The following DRC10 variants were observed in gnomAD, a reference collection of about 807,000 sequenced individuals.
DRC10 encodes the protein IQ domain-containing protein D.
At chr12:113,212,929 T>C in the DRC10 span, among the ~76,000 whole-genome samples, 1 of 152,210 alleles carries the variant, frequency 6.6e-6, no homozygotes, top group Non-Finnish European at 1.5e-5. Context: ...GATATTCCCT[T>C]TATTTGTCAT....
At chr12:113,197,558 C>G in the DRC10 span, 3 of 1,533,796 alleles carry the variant, frequency 2.0e-6, no homozygotes, top group African/African-American at 2.7e-5. Context: ...TCACCCATCT[C>G]TGTATCATAT....
the DRC10 span, chr12:113,208,212 A>G: frequency 5.8e-6 from 9 of 1,549,830 alleles, no homozygotes; most frequent in Admixed American, 4.0e-5. Context: ...AGAGATGGAG[A>G]CTTCGGTAGA....
chr12:113,195,922 CA>C, the DRC10 span: 1 of 1,561,104 alleles, frequency 6.4e-7, no homozygotes, highest in East Asian at 2.3e-5. Flanking sequence ...GGTCACCACA[CA>C]TAGAGTGCCT....
At chr12:113,208,139 G>C in the DRC10 span, 1 of 1,613,882 alleles carries the variant, frequency 6.2e-7, no homozygotes, top group Non-Finnish European at 8.5e-7. Flanking sequence ...TGATACAAAG[G>C]GGCCATGGCG....
the DRC10 span, among the ~76,000 whole-genome samples, chr12:113,212,141 G>A: frequency 6.6e-6 from 1 of 151,698 alleles, no homozygotes; most frequent in Non-Finnish European, 1.5e-5. Context: ...TGTGATTTGG[G>A]CTCACTGCAA....
At chr12:113,216,779 G>A in the DRC10 span, among the ~76,000 whole-genome samples, 6 of 152,228 alleles carry the variant, frequency 3.9e-5, no homozygotes, top group African/African-American at 9.6e-5. Context: ...AAAATTAAAC[G>A]AAACAGGGTT....
At chr12:113,211,196 C>T in the DRC10 span, among the ~76,000 whole-genome samples, 1 of 152,184 alleles carries the variant, frequency 6.6e-6, no homozygotes, top group East Asian at 1.9e-4. Context: ...GTCCTCCTGC[C>T]TCATGCTCCC....
chr12:113,198,475 A>T, the DRC10 span, among the ~76,000 whole-genome samples: 1 of 152,234 alleles, frequency 6.6e-6, no homozygotes, highest in African/African-American at 2.4e-5. Flanking sequence ...GCACTGATCC[A>T]TGCTACAACA....
the DRC10 span, among the ~76,000 whole-genome samples, chr12:113,210,542 G>A: frequency 1.3e-5 from 2 of 150,750 alleles, no homozygotes; most frequent in East Asian, 1.9e-4. Flanking sequence ...TGGGAGGATC[G>A]CTTGAGCCCA....
chr12:113,207,894 C>T, the DRC10 span: 1 of 1,614,218 alleles, frequency 6.2e-7, no homozygotes, highest in Non-Finnish European at 8.5e-7. Context: ...CATGCTCTCT[C>T]ACTGCCCTCA....
the DRC10 span, among the ~76,000 whole-genome samples, chr12:113,201,086 C>A: frequency 6.6e-6 from 1 of 152,016 alleles, no homozygotes; most frequent in South Asian, 2.1e-4. Flanking sequence ...TTGCAGTGAG[C>A]GGAGATATCA....
chr12:113,219,669 T>G, the DRC10 span, among the ~76,000 whole-genome samples: 1 of 152,116 alleles, frequency 6.6e-6, no homozygotes, highest in Non-Finnish European at 1.5e-5. Flanking sequence ...CCTCAAAGTT[T>G]TTTTTTTATA....
At chr12:113,212,069 C>CT in the DRC10 span, among the ~76,000 whole-genome samples, 8,690 of 130,898 alleles carry the variant, frequency 0.066, 396 homozygotes, top group East Asian at 0.19. Context: ...TATCTCTCCT[C>CT]TTTTTTTTTT....
chr12:113,207,828 C>T, the DRC10 span: 1 of 1,614,170 alleles, frequency 6.2e-7, no homozygotes, highest in South Asian at 1.1e-5. Context: ...CCTGCAATTG[C>T]CTTTCTTTCT....
At chr12:113,215,758 A>G in the DRC10 span, among the ~76,000 whole-genome samples, 11 of 152,196 alleles carry the variant, frequency 7.2e-5, no homozygotes, top group Admixed American at 7.2e-4. Context: ...AGAAGGAAGA[A>G]TTTCCTAGTA....
At chr12:113,220,460 G>A in the DRC10 span, among the ~76,000 whole-genome samples, 1 of 151,532 alleles carries the variant, frequency 6.6e-6, no homozygotes, top group East Asian at 2.0e-4. Context: ...CACCATACTG[G>A]CTAGGCTGGC....
chr12:113,218,448 T>C, the DRC10 span, among the ~76,000 whole-genome samples: 2 of 146,016 alleles, frequency 1.4e-5, no homozygotes, highest in East Asian at 4.0e-4. Context: ...CCCGGCTGCC[T>C]TTTTTTTTTA....
chr12:113,202,439 A>T, the DRC10 span, among the ~76,000 whole-genome samples: 1 of 152,218 alleles, frequency 6.6e-6, no homozygotes. Context: ...GGTGGGGGAT[A>T]GAAACAGAAG....
the DRC10 span, among the ~76,000 whole-genome samples, chr12:113,218,137 CT>C: frequency 0.065 from 9,080 of 139,654 alleles, 282 homozygotes; most frequent in Admixed American, 0.071. Flanking sequence ...AAACCCTGAC[CT>C]TTTTTTTTTT....
Sources: gnomAD v4.1 joint callset for allele counts (sites outside exome capture counted in the v4.1 genomes callset) on GRCh38, gnomAD v4.1.1 for gene constraint, MANE v1.5 for transcripts, NCBI Gene and HGNC (gene_info 2026-07-23, HGNC 2026-07-21) for gene names.